The following ROBO1 variants were observed in gnomAD, a reference collection of about 807,000 sequenced individuals.
The protein encoded by ROBO1 is roundabout guidance receptor 1.
In ROBO1, 149 loss-of-function variants were observed where a neutral mutation model predicts 195.9. The observed-to-expected ratio is 0.76, with a 90% CI of 0.67 to 0.87. ROBO1 has a LOEUF of 0.87. Ranked by LOEUF, ROBO1 falls within the 40% of genes least tolerant of loss-of-function variation. ROBO1 has a pLI of 0.00. For missense variants in ROBO1, 1,933 were observed against 2,068.3 expected, an observed-to-expected ratio of 0.93 and a Z score of 1.27; for synonymous variants, 816 against 733.2, an observed-to-expected ratio of 1.11 and a Z score of -1.82.
At chr3:79,634,013 T>C (rs1945424917) in intron 1 of ROBO1, among the ~76,000 whole-genome samples, 2 of 152,130 alleles carry the variant, frequency 1.3e-5, no homozygotes, top group Admixed American at 6.5e-5. Flanking sequence ...GTCTAGTTAT[T>C]GGGAGGAAAG....
At chr3:78,880,309 T>C (rs1400459014) in intron 4 of ROBO1, among the ~76,000 whole-genome samples, 1 of 152,144 alleles carries the variant, frequency 6.6e-6, no homozygotes, top group East Asian at 1.9e-4. Flanking sequence ...ATTAAATATG[T>C]CCACAAAACA....
Position 79,317,698 on chromosome 3 carries a change from C to T in ROBO1, c.89-192159G>A, listed in dbSNP as rs547368563. Among the ~76,000 whole-genome samples, 6 of 152,200 alleles carry T rather than the reference C, an allele frequency of 3.9e-5. No homozygotes were observed. The South Asian group carries it at 1.2e-3, about 32-fold the overall frequency. ...ATCCTTCCTAATACTCTTCTATCCC[C>T]ACCCCATGTGTCTTTGCTCACATGT... On this transcript the variant is annotated intron_variant, in intron 2 of 30. Coordinates refer to ENST00000464233, the MANE Select transcript of ROBO1 (RefSeq NM_002941.4).
intron 2 of ROBO1, among the ~76,000 whole-genome samples, chr3:79,484,435 C>G (rs1292418561): frequency 6.6e-6 from 1 of 152,030 alleles, no homozygotes; most frequent in Non-Finnish European, 1.5e-5. Context: ...CTGTTACATA[C>G]TCACTATAAT....
rs534397597 is a variant in ROBO1 at position 79,372,537 on chromosome 3, G to A, written c.88+217287C>T. On this transcript the variant is annotated intron_variant, in intron 2 of 30. Transcript: ENST00000464233. ...AGCATTCTTATAAGGAGAGATGTGG[G>A]AGTGCTGGCTTGAATGCTCACGTGC... Among the ~76,000 whole-genome samples, 6 of 152,062 alleles carry A rather than the reference G, an allele frequency of 3.9e-5. No homozygotes were observed. In the East Asian group the frequency reaches 1.2e-3, roughly 30 times the overall value.
intron 1 of ROBO1, among the ~76,000 whole-genome samples, chr3:79,643,340 G>T (rs1020060710): frequency 6.6e-6 from 1 of 152,076 alleles, no homozygotes; most frequent in Non-Finnish European, 1.5e-5. Flanking sequence ...TCCTCAGCTT[G>T]CAGATGGCCT....
chr3:79,028,430 T>C (rs968949521), intron 3 of ROBO1, among the ~76,000 whole-genome samples: 1 of 151,764 alleles, frequency 6.6e-6, no homozygotes, highest in African/African-American at 2.4e-5. Context: ...AAGAGCAAAA[T>C]AGAATCCCAT....
chr3:78,905,269 G>T (rs2037832571), intron 4 of ROBO1, among the ~76,000 whole-genome samples: 1 of 152,066 alleles, frequency 6.6e-6, no homozygotes, highest in South Asian at 2.1e-4. Context: ...ACTACGCTGG[G>T]ATACTGAGAG....
chr3:78,954,670 G>A (rs1433339273), intron 3 of ROBO1, among the ~76,000 whole-genome samples: 2 of 151,818 alleles, frequency 1.3e-5, no homozygotes, highest in African/African-American at 4.8e-5. Context: ...ATAATCTTCA[G>A]TTTTCTTTAT....
intron 10 of ROBO1, among the ~76,000 whole-genome samples, chr3:78,675,745 G>T (rs1400534041): frequency 6.6e-6 from 1 of 152,116 alleles, no homozygotes; most frequent in Non-Finnish European, 1.5e-5. Context: ...TCTGGGGGCA[G>T]GGCATAGACA....
intron 3 of ROBO1, among the ~76,000 whole-genome samples, chr3:78,943,597 TCTG>T (rs1245466715): frequency 6.6e-6 from 1 of 152,232 alleles, no homozygotes; most frequent in Non-Finnish European, 1.5e-5. Flanking sequence ...GGGTGATTAG[TCTG>T]CTAAGGCATA....
intron 2 of ROBO1, among the ~76,000 whole-genome samples, chr3:79,328,268 A>T (rs1317326338): frequency 6.6e-6 from 1 of 152,184 alleles, no homozygotes; most frequent in East Asian, 1.9e-4. Context: ...AACGCACATA[A>T]ACTCCCTCTG....
At chr3:79,359,870 G>A (rs368720953) in intron 2 of ROBO1, among the ~76,000 whole-genome samples, 2 of 151,950 alleles carry the variant, frequency 1.3e-5, no homozygotes, top group Non-Finnish European at 2.9e-5. Context: ...GGCAGTAGGC[G>A]TGCTGGACTT....
intron 2 of ROBO1, among the ~76,000 whole-genome samples, chr3:79,420,210 T>C (rs920539477): frequency 2.6e-5 from 4 of 152,138 alleles, no homozygotes; most frequent in Non-Finnish European, 4.4e-5. Context: ...AATTTTATCA[T>C]TGACAGGAAA....
chr3:79,302,455 T>C (rs2033006897), intron 2 of ROBO1, among the ~76,000 whole-genome samples: 1 of 152,236 alleles, frequency 6.6e-6, no homozygotes, highest in South Asian at 2.1e-4. Flanking sequence ...TTTTACTAAA[T>C]TGAAATCTCT....
intron 2 of ROBO1, among the ~76,000 whole-genome samples, chr3:79,317,616 G>A (rs533491646): frequency 4.6e-5 from 7 of 151,866 alleles, no homozygotes; most frequent in African/African-American, 1.2e-4. Flanking sequence ...TTCTGTTACC[G>A]TGTATCTTGA....
chr3:79,550,472 C>T (rs570562039), intron 2 of ROBO1, among the ~76,000 whole-genome samples: 1 of 152,136 alleles, frequency 6.6e-6, no homozygotes, highest in African/African-American at 2.4e-5. Context: ...TAGCTCTATG[C>T]AAGTTATATG....
chr3:78,622,792 C>T (rs1420813136), intron 26 of ROBO1, among the ~76,000 whole-genome samples: 1 of 152,170 alleles, frequency 6.6e-6, no homozygotes, highest in Non-Finnish European at 1.5e-5. Flanking sequence ...TGCCATTAAC[C>T]TGAGACCCCA....
Position 78,659,743 on chromosome 3 carries a change from T to C in ROBO1, c.2385A>G (p.Leu795=), listed in dbSNP as rs1174998294. The part of the protein sequence containing the change: ...SKNDGNGTAI[L]VSWQPPPEDT... Reference sequence around the variant, plus strand: ...CTTCTGGAGGTGGCTGCCAACTAACTAGAATTGCAGTTCCGTTTCCATCAT... The same window carrying C: ...CTTCTGGAGGTGGCTGCCAACTAACCAGAATTGCAGTTCCGTTTCCATCAT... The change falls in exon 17 of 31, where the codon CTA becomes CTG. Residue 795 remains leucine, a synonymous_variant. Transcript: ENST00000464233. The C allele has an allele frequency of 2.5e-6, 4 of 1,593,274 alleles. No individual in the cohort carries two copies. Among genetic ancestry groups the C allele is most frequent in the African/African-American group, 1.3e-5 (1 of 74,716 alleles).
chr3:79,503,557 T>A (rs28653275), intron 2 of ROBO1, among the ~76,000 whole-genome samples: 46,021 of 151,990 alleles, frequency 0.3, 7,249 homozygotes, highest in Non-Finnish European at 0.35. Flanking sequence ...CTTTAATGTG[T>A]CTTTTTGTCT....
Sources: gnomAD v4.1 joint callset for allele counts (sites outside exome capture counted in the v4.1 genomes callset) on GRCh38, gnomAD v4.1.1 for gene constraint, MANE v1.5 for transcripts, NCBI Gene and HGNC (gene_info 2026-07-23, HGNC 2026-07-21) for gene names.